Variants in RNF212 observed in about 807,000 individuals in gnomAD.
RNF212 encodes the protein ring finger protein 212.
In RNF212, 33 loss-of-function variants were observed where a neutral mutation model predicts 34.7. The ratio of observed to expected loss-of-function variants is 0.95; its 90% CI spans 0.72 to 1.27. RNF212 has a LOEUF of 1.27. RNF212 is among the 50% of genes most tolerant of loss of function. RNF212 has a pLI of 0.00. For missense variants in RNF212, 377 were observed against 362.2 expected, an observed-to-expected ratio of 1.04 and a Z score of -0.33; for synonymous variants, 140 against 136.1, an observed-to-expected ratio of 1.03 and a Z score of -0.20.
chr4:1,112,170 G>A (rs149815059), intron 1 of RNF212, among the ~76,000 whole-genome samples: 1 of 152,306 alleles, frequency 6.6e-6, no homozygotes, highest in African/African-American at 2.4e-5. Flanking sequence ...TCCCGCCACC[G>A]AACTCCAGCC....
intron 7 of RNF212, among the ~76,000 whole-genome samples, chr4:1,080,386 G>C (rs946322437): frequency 6.6e-6 from 1 of 152,166 alleles, no homozygotes; most frequent in African/African-American, 2.4e-5. Flanking sequence ...GCAGGGCTCA[G>C]TCACCTTCAA....
intron 7 of RNF212, among the ~76,000 whole-genome samples, chr4:1,080,651 CT>C (rs1720188312): frequency 1.3e-5 from 2 of 152,062 alleles, no homozygotes; most frequent in African/African-American, 4.8e-5. Context: ...GGATGACGCC[CT>C]GAGCCCCAAT....
intron 1 of RNF212, 68 bp from the exon 2 acceptor site, chr4:1,108,472 C>CT: frequency 1.3e-6 from 1 of 758,230 alleles, no homozygotes; most frequent in Non-Finnish European, 2.0e-6. Context: ...TACATGCAGA[C>CT]TTTACAATGT....
At chr4:1,070,817 G>T (rs1431147878), downstream of RNF212, among the ~76,000 whole-genome samples, 2 of 152,140 alleles carry the variant, frequency 1.3e-5, no homozygotes, top group Non-Finnish European at 2.9e-5. Context: ...ATGACAGATT[G>T]GGAGCAAATT....
At chr4:1,066,255 G>A (rs1209340779) in intron 3 of RNF212, among the ~76,000 whole-genome samples, 1 of 152,082 alleles carries the variant, frequency 6.6e-6, no homozygotes, top group Non-Finnish European at 1.5e-5. Context: ...TTTCTCTAAC[G>A]ATGAACGATG....
At chr4:1,102,891 C>T (rs1396385113) in intron 2 of RNF212, among the ~76,000 whole-genome samples, 3 of 118,068 alleles carry the variant, frequency 2.5e-5, no homozygotes, top group African/African-American at 9.6e-5. Context: ...CCTGTAATCC[C>T]AGCACTTTGG....
Position 1,073,063 on chromosome 4 carries a change from G to C in RNF212, c.705C>G (p.Leu235=). The C allele has an allele frequency of 6.2e-7, 1 of 1,614,164 alleles. No homozygotes were observed. Among genetic ancestry groups the C allele is most frequent in the Admixed American group, 1.7e-5 (1 of 60,024 alleles). The change falls in exon 10 of 10, where the codon CTC becomes CTG. Residue 235 remains leucine, a synonymous_variant. Coordinates refer to ENST00000433731, the MANE Select transcript of RNF212 (RefSeq NM_001131034.4). The part of the protein sequence containing the change: ...FCIDVCPHWL[L]LLAFSSGRHG... ...GCCTTCCAGAACTGAACGCTAGGAG[G>C]AGCAGCCAGTGAGGACAGACGTCTA...
At chr4:1,076,549 C>T (rs1231602201) in intron 8 of RNF212, among the ~76,000 whole-genome samples, 1 of 152,196 alleles carries the variant, frequency 6.6e-6, no homozygotes, top group Non-Finnish European at 1.5e-5. Flanking sequence ...AGTGAGACCT[C>T]AGTCTGCACA....
At chr4:1,083,155 T>C (rs1338947394) in intron 5 of RNF212, among the ~76,000 whole-genome samples, 1 of 152,164 alleles carries the variant, frequency 6.6e-6, no homozygotes, top group African/African-American at 2.4e-5. Flanking sequence ...AGCAGAAATA[T>C]ACCTCCCTCC....
chr4:1,088,630 G>A (rs1372406672), intron 4 of RNF212, among the ~76,000 whole-genome samples: 1 of 152,224 alleles, frequency 6.6e-6, no homozygotes, highest in African/African-American at 2.4e-5. Context: ...AATGTCTCCA[G>A]GGCATGTGAG....
upstream of RNF212, chr4:1,113,612 C>T (rs1726183915): frequency 5.6e-6 from 3 of 533,808 alleles, no homozygotes; most frequent in African/African-American, 2.0e-5. Context: ...CTGGAGCTCG[C>T]GCCCTCCCGC....
intron 3 of RNF212, among the ~76,000 whole-genome samples, chr4:1,091,608 C>A (rs750216019): frequency 2.0e-5 from 3 of 152,146 alleles, no homozygotes; most frequent in African/African-American, 7.2e-5. Context: ...CAGGAGGGAG[C>A]GGCCTTGTCT....
At chr4:1,077,466 CAA>C (rs1232267950) in intron 8 of RNF212, among the ~76,000 whole-genome samples, 1 of 152,162 alleles carries the variant, frequency 6.6e-6, no homozygotes, top group Non-Finnish European at 1.5e-5. Flanking sequence ...CTCCTGGGCT[CAA>C]GTGATCCACC....
chr4:1,081,317 A>AAAATCTGG, intron 7 of RNF212, 102 bp downstream of exon 7: 1 of 1,022,626 alleles, frequency 9.8e-7, no homozygotes, highest in Non-Finnish European at 1.5e-6. Context: ...ATGGATTAGC[A>AAAATCTGG]AAATCTGGGG....
chr4:1,098,014 G>A (rs1262934330), intron 2 of RNF212, among the ~76,000 whole-genome samples: 5 of 152,098 alleles, frequency 3.3e-5, no homozygotes, highest in African/African-American at 9.7e-5. Context: ...GCAGTGAGCC[G>A]AGATCATGCC....
chr4:1,107,783 C>G (rs887699005), intron 2 of RNF212, among the ~76,000 whole-genome samples: 2 of 152,206 alleles, frequency 1.3e-5, no homozygotes, highest in African/African-American at 4.8e-5. Context: ...ATTTTCTGTA[C>G]TATACGAATG....
chr4:1,058,675 G>C (rs967371534), intron 3 of RNF212, among the ~76,000 whole-genome samples: 5 of 152,224 alleles, frequency 3.3e-5, no homozygotes, highest in Admixed American at 6.5e-5. Flanking sequence ...GCAGCTTAGA[G>C]AATATGTAAG....
In RNF212 at chr4:1,096,529, G is replaced by A. The variant is rs1043527256; in HGVS notation, c.246+236C>T. 9.6e-5 allele frequency: 46 copies of A among 481,192 alleles called. 2 individuals carry two copies. The highest frequency in any genetic ancestry group is 1.9e-4 in the South Asian group (9 of 48,260). The allele number at this position is 481,192 out of a possible 1,614,324, so 29.8% of individuals were successfully genotyped here. On this transcript the variant is annotated intron_variant, in intron 3 of 9. Coordinates refer to ENST00000433731, the MANE Select transcript of RNF212 (RefSeq NM_001131034.4). Reference sequence around the variant, plus strand: ...CCAAGCACACCCCCCACAGCTCCACGGTCTCAGGATAGTGCACCTGGCTCA... The same window carrying A: ...CCAAGCACACCCCCCACAGCTCCACAGTCTCAGGATAGTGCACCTGGCTCA...
At chr4:1,095,068 G>A (rs1183581659) in intron 3 of RNF212, among the ~76,000 whole-genome samples, 5 of 151,028 alleles carry the variant, frequency 3.3e-5, no homozygotes, top group Admixed American at 6.6e-5. Flanking sequence ...TCAGGATAGC[G>A]CACCTGGCTC....
Sources: allele counts gnomAD v4.1 joint callset (sites outside exome capture counted in the v4.1 genomes callset), GRCh38; gene constraint gnomAD v4.1.1; transcripts MANE v1.5; gene names NCBI Gene and HGNC (gene_info 2026-07-23, HGNC 2026-07-21).